Variants in GPC5 observed in about 807,000 individuals in gnomAD.
GPC5 encodes glypican-5.
Under a neutral mutation model 53.9 loss-of-function variants are expected in GPC5, and 47 were observed. The observed-to-expected ratio is 0.87, with a 90% CI of 0.69 to 1.11. The LOEUF is 1.11. GPC5 is among the 50% of genes most tolerant of loss of function. The pLI, the probability that GPC5 is intolerant of heterozygous loss-of-function variation, is 0.00. For missense variants in GPC5, 748 were observed against 713.1 expected (o/e 1.05, Z -0.56); for synonymous variants, 286 against 263.3 (o/e 1.09, Z -0.84).
chr13:92,118,823 T>G (rs1176067823), intron 6 of GPC5, among the ~76,000 whole-genome samples: 4 of 152,252 alleles, frequency 2.6e-5, no homozygotes, highest in Non-Finnish European at 5.9e-5. Context: ...TTGTCTTGGC[T>G]GGTGCCATAA....
intron 7 of GPC5, among the ~76,000 whole-genome samples, chr13:92,563,190 A>T (rs934927838): frequency 1.8e-4 from 28 of 152,130 alleles, no homozygotes; most frequent in African/African-American, 6.7e-4. Flanking sequence ...AGTCTATAAG[A>T]TCACTTAGCT....
At chr13:92,640,955 T>G (rs1165670247) in intron 7 of GPC5, among the ~76,000 whole-genome samples, 13 of 124,820 alleles carry the variant, frequency 1.0e-4, no homozygotes, top group African/African-American at 4.1e-4. Flanking sequence ...CTGATACAAG[T>G]GAAAGGAGTA....
intron 6 of GPC5, among the ~76,000 whole-genome samples, chr13:91,936,170 G>A (rs72633738): frequency 0.018 from 2,719 of 152,070 alleles, 49 homozygotes; most frequent in African/African-American, 0.05. Flanking sequence ...CTGTCTTGCC[G>A]TGATAAGTTT....
intron 7 of GPC5, among the ~76,000 whole-genome samples, chr13:92,161,133 A>G (rs1393988585): frequency 6.6e-6 from 1 of 151,912 alleles, no homozygotes; most frequent in Non-Finnish European, 1.5e-5. Flanking sequence ...TCTATATGCC[A>G]CAGAACTATT....
intron 7 of GPC5, among the ~76,000 whole-genome samples, chr13:92,494,100 G>A (rs60017619): frequency 8.9e-6 from 1 of 112,682 alleles, no homozygotes; most frequent in Non-Finnish European, 2.2e-5. Context: ...GTTTTGTTTT[G>A]TTTTTTTGAG....
chr13:92,859,869 T>G (rs964118169), intron 7 of GPC5, among the ~76,000 whole-genome samples: 6 of 152,092 alleles, frequency 3.9e-5, no homozygotes, highest in African/African-American at 1.2e-4. Flanking sequence ...AAAGCAAACT[T>G]AGGAAAAAGA....
At chr13:91,787,743 G>C (rs1219318347) in intron 5 of GPC5, among the ~76,000 whole-genome samples, 1 of 152,120 alleles carries the variant, frequency 6.6e-6, no homozygotes, top group Non-Finnish European at 1.5e-5. Context: ...TTATAAACAT[G>C]TATATTTATG....
rs1555302912 is a variant in GPC5, at chr13:92,685,547, T to TTTTTTTTTTAA, written c.1562-180726_1562-180725insAATTTTTTTTT. Among the ~76,000 whole-genome samples, 606 of 97,798 alleles carry TTTTTTTTTTAA rather than the reference T, an allele frequency of 6.2e-3. 3 individuals carry two copies. Among genetic ancestry groups the TTTTTTTTTTAA allele is most frequent in the African/African-American group, 0.016 (485 of 30,760 alleles). 64.2% of individuals were successfully genotyped at this position (97,798 alleles called of 152,430 possible). ...TTATTTATGAAAAATTATGCTCATTTTTTTTTTTTTTAATTTTTTTTTTTT... is the reference window on the plus strand; with the variant it reads ...TTATTTATGAAAAATTATGCTCATTTTTTTTTTTTAATTTTTTTTTTTAATTTTTTTTTTTT... On this transcript the variant is annotated intron_variant, in intron 7 of 7. Coordinates refer to ENST00000377067, the MANE Select transcript of GPC5 (RefSeq NM_004466.6).
At position 92,013,572 on chromosome 13, in the gene GPC5, A is replaced by C. The variant is rs1408149607; in HGVS notation, c.1401+105515A>C. On this transcript the variant is annotated intron_variant, in intron 6 of 7. Transcript: ENST00000377067. ...AGGAACCAATTGGGAGAGAGCGAGC[A>C]AACAGGAATAGACATTCTCGCTTTG... Among the ~76,000 whole-genome samples the C allele has an allele frequency of 2.6e-5, 4 of 152,180 alleles. 1 individual carries two copies. The highest frequency in any genetic ancestry group is 9.7e-5 in the African/African-American group (4 of 41,430).
chr13:91,467,271 T>C (rs937944266), intron 2 of GPC5, among the ~76,000 whole-genome samples: 1 of 152,066 alleles, frequency 6.6e-6, no homozygotes, highest in Non-Finnish European at 1.5e-5. Context: ...TGACATTAGG[T>C]GAAAAACAAT....
chr13:91,670,005 GA>G, intron 2 of GPC5, among the ~76,000 whole-genome samples: 2 of 152,320 alleles, frequency 1.3e-5, no homozygotes, highest in South Asian at 4.1e-4. Flanking sequence ...ATTGGACACT[GA>G]GTGAACCCAA....
intron 6 of GPC5, among the ~76,000 whole-genome samples, chr13:92,101,114 T>C (rs2041463295): frequency 6.6e-6 from 1 of 152,140 alleles, no homozygotes; most frequent in South Asian, 2.1e-4. Flanking sequence ...ACCTATTCAG[T>C]GAAGGGAAAG....
intron 2 of GPC5, among the ~76,000 whole-genome samples, chr13:91,686,317 G>A (rs2035621819): frequency 6.6e-6 from 1 of 151,874 alleles, no homozygotes; most frequent in South Asian, 2.1e-4. Flanking sequence ...AGTTAAGAGG[G>A]CATTTTTCCA....
At chr13:92,190,384 G>C (rs531609222) in intron 7 of GPC5, among the ~76,000 whole-genome samples, 1 of 152,248 alleles carries the variant, frequency 6.6e-6, no homozygotes, top group Non-Finnish European at 1.5e-5. Context: ...TCTACATAGA[G>C]AAAGGAAGAA....
At chr13:92,104,949 G>C (rs754489996) in intron 6 of GPC5, among the ~76,000 whole-genome samples, 68 of 152,146 alleles carry the variant, frequency 4.5e-4, no homozygotes, top group Non-Finnish European at 1.3e-4. Context: ...TTGAGAAATA[G>C]TGTTTTTGTT....
chr13:91,684,682 C>T (rs1004192430), intron 2 of GPC5, among the ~76,000 whole-genome samples: 1 of 152,166 alleles, frequency 6.6e-6, no homozygotes, highest in Admixed American at 6.5e-5. Context: ...CCTGTTTTCA[C>T]TCTTACACCC....
At chr13:92,205,316 A>T (rs1255523362) in intron 7 of GPC5, among the ~76,000 whole-genome samples, 2 of 152,082 alleles carry the variant, frequency 1.3e-5, no homozygotes, top group Non-Finnish European at 2.9e-5. Flanking sequence ...GGCATGATTG[A>T]TTGATTAATT....
At chr13:92,008,974 A>G (rs1282576481) in intron 6 of GPC5, among the ~76,000 whole-genome samples, 1 of 151,980 alleles carries the variant, frequency 6.6e-6, no homozygotes, top group Non-Finnish European at 1.5e-5. Flanking sequence ...CTAGTGAATT[A>G]TTTATATCAT....
chr13:92,364,963 A>AGG (rs2043596600), intron 7 of GPC5, among the ~76,000 whole-genome samples: 1 of 151,762 alleles, frequency 6.6e-6, no homozygotes, highest in South Asian at 2.1e-4. Flanking sequence ...CAGTTCAAAG[A>AGG]GATTTCCTTA....
Sources: allele counts gnomAD v4.1 joint callset (sites outside exome capture counted in the v4.1 genomes callset), GRCh38; gene constraint gnomAD v4.1.1; transcripts MANE v1.5; gene names NCBI Gene and HGNC (gene_info 2026-07-23, HGNC 2026-07-21).